SATB1: variants seen among roughly 807,000 people sequenced by gnomAD.
The protein encoded by SATB1 is DNA-binding protein SATB1.
In SATB1, 11 loss-of-function variants were observed where a neutral mutation model predicts 86.9. The observed-to-expected ratio is 0.13, with a 90% confidence interval of 0.08 to 0.21. The LOEUF is 0.21. Ranked by LOEUF, SATB1 falls within the 10% of genes least tolerant of loss-of-function variation. The probability of loss-of-function intolerance (pLI) is 1.00; values close to 1 mark genes in which losing one functional copy is unlikely to be tolerated. For missense variants in SATB1, 551 were observed against 937.6 expected, an observed-to-expected ratio of 0.59 and a Z score of 5.39; for synonymous variants, 357 against 357.2, an observed-to-expected ratio of 1.00 and a Z score of 0.01.
chr3:18,404,085 G>A (rs1206842684), intron 5 of SATB1, among the ~76,000 whole-genome samples: 1 of 152,010 alleles, frequency 6.6e-6, no homozygotes, highest in African/African-American at 2.4e-5. Flanking sequence ...CTACAAACAA[G>A]CTCTAAGAGG....
intron 2 of SATB1, 28 bp downstream of exon 2, chr3:18,420,729 T>G: frequency 6.3e-7 from 1 of 1,598,494 alleles, no homozygotes; most frequent in Non-Finnish European, 8.6e-7. Context: ...GCTTTCAGCT[T>G]TTCAAGATTT....
At chr3:18,368,257 A>G (rs34152981) in intron 9 of SATB1, among the ~76,000 whole-genome samples, 50,620 of 152,106 alleles carry the variant, frequency 0.33, 8,974 homozygotes, top group East Asian at 0.39. Context: ...TACAATAACT[A>G]TATCTTGCAA....
At chr3:18,440,282 T>C (rs1301422922), upstream of SATB1, among the ~76,000 whole-genome samples, 2 of 152,186 alleles carry the variant, frequency 1.3e-5, no homozygotes, top group Non-Finnish European at 2.9e-5. Context: ...TAAAAGTGCA[T>C]AACATTTCTT....
chr3:18,416,751 G>T, intron 3 of SATB1, 151 bp downstream of exon 3: 1 of 744,960 alleles, frequency 1.3e-6, no homozygotes. Flanking sequence ...AAACCAAACT[G>T]AATTAAGCCA....
Position 18,347,350 on chromosome 3 carries a change from T to C in SATB1, c.*1820A>G, listed in dbSNP as rs1235123866. 2.6e-5 allele frequency: 4 copies of C among 152,286 alleles called. No homozygotes were observed. The East Asian group carries it at 7.7e-4, about 29-fold the overall frequency. 9.4% of individuals were successfully genotyped at this position (152,286 alleles called of 1,614,324 possible). ...CACACCTCATTTTATATTCTGGCAT[T>C]TTACTATGTTTAATGTTGCAAGAAT... On this transcript the variant is annotated 3_prime_UTR_variant, in exon 11 of 11. Transcript: ENST00000338745.
intron 3 of SATB1, among the ~76,000 whole-genome samples, chr3:18,416,466 G>C (rs1698119748): frequency 6.6e-6 from 1 of 152,054 alleles, no homozygotes; most frequent in African/African-American, 2.4e-5. Context: ...TTATGATTTA[G>C]ATAAGATTCT....
chr3:18,442,934 A>G (rs1301700592), upstream of SATB1, among the ~76,000 whole-genome samples: 1 of 152,218 alleles, frequency 6.6e-6, no homozygotes, highest in Admixed American at 6.5e-5. Flanking sequence ...TGCAATAGAA[A>G]TAGAGGACTA....
Position 18,349,326 on chromosome 3 carries a change from T to A in SATB1, c.2136A>T (p.Leu712Phe). 6.2e-7 allele frequency: 1 copy of A among 1,614,232 alleles called. No homozygotes were observed. The highest frequency in any genetic ancestry group is 8.5e-7 in the Non-Finnish European group (1 of 1,180,032). The change falls in exon 11 of 11, where the codon TTA becomes TTT. Residue 712 changes from leucine to phenylalanine, a missense_variant. Leu to Phe is a conservative substitution (Grantham distance 22, BLOSUM62 0). Transcript: ENST00000338745. This position sits in a 1 kb window ranked among gnomAD's most constrained non-coding sequence, Gnocchi z 5.5. The stretch of plus-strand genomic sequence containing the variant: ...CTTTATATTCTGCCACATCGACCTC[T>A]AAACCGGAATTGTCCTTCAGTTTGC... ...HHGKLKDNSG[L>F]EVDVAEYKEE... is the part of the protein sequence containing the mutation.
chr3:18,399,550 T>A (rs1407049158), intron 5 of SATB1, among the ~76,000 whole-genome samples: 1 of 152,164 alleles, frequency 6.6e-6, no homozygotes, highest in African/African-American at 2.4e-5. Flanking sequence ...GCTATACAGT[T>A]TATTATTATT....
chr3:18,427,812 G>A (rs1698758662), upstream of SATB1, among the ~76,000 whole-genome samples: 1 of 152,104 alleles, frequency 6.6e-6, no homozygotes, highest in Admixed American at 6.5e-5. Context: ...ATCTAAGAAT[G>A]ACTATATTAT....
chr3:18,408,087 T>C (rs956354246), intron 5 of SATB1, among the ~76,000 whole-genome samples: 1 of 152,072 alleles, frequency 6.6e-6, no homozygotes, highest in Admixed American at 6.6e-5. Flanking sequence ...ACCTATCAAC[T>C]GGTTTGCATC....
Position 18,394,624 on chromosome 3 carries a change from G to A in SATB1, c.1044C>T (p.Asn348=). The A allele has an allele frequency of 6.2e-7, 1 of 1,614,170 alleles. No individual in the cohort carries two copies. Among genetic ancestry groups the A allele is most frequent in the East Asian group, 2.2e-5 (1 of 44,870 alleles). ...AQQSLNQQYL[N]HPPPVSRSMN... ...TAGATCTACTGACAGGGGGAGGGTG[G>A]TTCAAGTATTGTTGGTTTAAGGACT... Residue 348 remains asparagine, a synonymous_variant, in exon 7 of 11, where the codon AAC becomes AAT. Transcript: ENST00000338745. This position sits in a 1 kb window ranked among gnomAD's most constrained non-coding sequence, Gnocchi z 5.9.
chr3:18,371,120 G>A (rs896645433), intron 9 of SATB1, among the ~76,000 whole-genome samples: 2 of 152,182 alleles, frequency 1.3e-5, no homozygotes, highest in Non-Finnish European at 2.9e-5. Context: ...ATGAAACAGT[G>A]TGTTTAAACC....
chr3:18,380,657 T>C (rs1696007133), intron 8 of SATB1, among the ~76,000 whole-genome samples: 1 of 152,150 alleles, frequency 6.6e-6, no homozygotes, highest in South Asian at 2.1e-4. Flanking sequence ...AAGCTCTTCT[T>C]TACCATTTTG....
At chr3:18,426,884 A>G (rs1349722056), upstream of SATB1, among the ~76,000 whole-genome samples, 1 of 152,202 alleles carries the variant, frequency 6.6e-6, no homozygotes, top group African/African-American at 2.4e-5. This position sits in a 1 kb window ranked among gnomAD's most constrained non-coding sequence, Gnocchi z 4.2. Context: ...TAAAGCAGAA[A>G]AGTGTAGGAA....
intron 9 of SATB1, among the ~76,000 whole-genome samples, chr3:18,355,531 T>A (rs1385841477): frequency 1.3e-5 from 2 of 152,078 alleles, no homozygotes; most frequent in Non-Finnish European, 2.9e-5. Flanking sequence ...ATATTTTTAA[T>A]ATCTAACAAA....
intron 5 of SATB1, among the ~76,000 whole-genome samples, chr3:18,407,435 C>A (rs1697597216): frequency 6.6e-6 from 1 of 151,998 alleles, no homozygotes; most frequent in Admixed American, 6.6e-5. Context: ...GTTACATAGA[C>A]CATGTGGCAT....
chr3:18,417,475 A>G (rs1698175926), intron 2 of SATB1: 2 of 590,804 alleles, frequency 3.4e-6, no homozygotes, highest in African/African-American at 3.8e-5. Context: ...CTTCAGAAGA[A>G]CCCACCTTTC....
intron 5 of SATB1, chr3:18,408,904 A>G (rs1197764833): frequency 6.6e-6 from 1 of 151,976 alleles, no homozygotes; most frequent in Non-Finnish European, 1.5e-5. Context: ...AACCATTAGA[A>G]AATAGCATTT....
Sources: allele counts gnomAD v4.1 joint callset (sites outside exome capture counted in the v4.1 genomes callset), GRCh38; gene constraint gnomAD v4.1.1; non-coding constraint Gnocchi (gnomAD v3.1); transcripts MANE v1.5; gene names NCBI Gene and HGNC (gene_info 2026-07-23, HGNC 2026-07-21).